Variants in NEGR1 observed in about 807,000 individuals in gnomAD.
NEGR1 encodes the protein IgLON family member 4.
In NEGR1, 10 loss-of-function variants were observed where a neutral mutation model predicts 40.9. That is an observed-to-expected ratio of 0.24 (90% CI 0.15 to 0.42). NEGR1 has a LOEUF of 0.42. Among genes scored for constraint, NEGR1 ranks in the 10% least tolerant of loss-of-function variants. NEGR1 has a pLI of 1.00. For synonymous variants in NEGR1, 185 were observed against 166.8 expected (o/e 1.11, Z -0.84); for missense variants, 352 against 438.9 (o/e 0.80, Z 1.77).
At chr1:71,773,599 T>C (rs1656403607) in intron 3 of NEGR1, among the ~76,000 whole-genome samples, 1 of 152,194 alleles carries the variant, frequency 6.6e-6, no homozygotes, top group African/African-American at 2.4e-5. Context: ...TGGGGTTTTC[T>C]TTTTCCTTTA....
At chr1:71,500,864 C>G (rs1265660030) in intron 6 of NEGR1, among the ~76,000 whole-genome samples, 1 of 151,722 alleles carries the variant, frequency 6.6e-6, no homozygotes, top group Non-Finnish European at 1.5e-5. Context: ...AGTTGTTATA[C>G]TATATGTTTT....
intron 2 of NEGR1, chr1:71,798,225 C>T (rs576914534): frequency 2.6e-5 from 4 of 151,850 alleles, no homozygotes; most frequent in South Asian, 4.2e-4. Flanking sequence ...ATATCAGACT[C>T]GGTGGAGCAG....
chr1:72,076,082 C>T (rs1647719044), intron 1 of NEGR1, among the ~76,000 whole-genome samples: 1 of 152,104 alleles, frequency 6.6e-6, no homozygotes, highest in African/African-American at 2.4e-5. Context: ...TTAATATACT[C>T]TTATAAGCCT....
rs940110879 is a variant in NEGR1 at position 71,396,388 on chromosome 1, A to G, written c.*11058T>C. On this transcript the variant is annotated 3_prime_UTR_variant, in exon 7 of 7. Coordinates refer to ENST00000357731, the MANE Select transcript of NEGR1 (RefSeq NM_173808.3). Reference sequence around the variant, plus strand: ...AGTGGATGGATTAATGAATGAATGAATGCCACATGAACATTTCAGGTTATC... The same window carrying G: ...AGTGGATGGATTAATGAATGAATGAGTGCCACATGAACATTTCAGGTTATC... 2 of 152,260 alleles carry G rather than the reference A, an allele frequency of 1.3e-5. No homozygotes were observed. Among genetic ancestry groups the G allele is most frequent in the African/African-American group, 4.8e-5 (2 of 41,468 alleles). 9.4% of individuals were successfully genotyped at this position (152,260 alleles called of 1,614,324 possible).
At chr1:72,216,840 T>C (rs1653838960) in intron 1 of NEGR1, among the ~76,000 whole-genome samples, 1 of 151,724 alleles carries the variant, frequency 6.6e-6, no homozygotes, top group Admixed American at 6.6e-5. Flanking sequence ...GATTATAGAA[T>C]CTATCATATA....
chr1:71,703,867 C>T (rs1274623505), intron 3 of NEGR1, among the ~76,000 whole-genome samples: 4 of 150,600 alleles, frequency 2.7e-5, no homozygotes, highest in Admixed American at 6.6e-5. Context: ...ATAAAGGGGA[C>T]AGAAAAAATA....
intron 2 of NEGR1, among the ~76,000 whole-genome samples, chr1:71,863,995 T>G (rs1557681208): frequency 6.6e-6 from 1 of 152,190 alleles, no homozygotes; most frequent in African/African-American, 2.4e-5. Flanking sequence ...CTCACCAAAG[T>G]AAGCAAATTG....
At chr1:71,553,450 T>C (rs766007618) in intron 6 of NEGR1, among the ~76,000 whole-genome samples, 5 of 151,558 alleles carry the variant, frequency 3.3e-5, no homozygotes, top group Admixed American at 6.6e-5. Flanking sequence ...GGCTTACATG[T>C]TAATGTATTT....
rs1039286620 is a variant in NEGR1, at chr1:72,281,175, G to A, written c.176+1144C>T. Among the ~76,000 whole-genome samples the A allele has an allele frequency of 2.6e-5, 4 of 152,266 alleles. No homozygotes were observed. In the South Asian group the frequency reaches 8.3e-4, roughly 32 times the overall value. ...GAAAATGAGAAAAATAAGTAAAAGT[G>A]AAGACTGATGGAGGGAGGAAGGTAG... On this transcript the variant is annotated intron_variant, in intron 1 of 6. Transcript: ENST00000357731.
chr1:71,652,402 C>G (rs1326832988), intron 4 of NEGR1, among the ~76,000 whole-genome samples: 1 of 152,014 alleles, frequency 6.6e-6, no homozygotes, highest in Non-Finnish European at 1.5e-5. Flanking sequence ...AACCAGAAGT[C>G]AGCAACATGG....
At chr1:72,150,286 T>C (rs552096878) in intron 1 of NEGR1, among the ~76,000 whole-genome samples, 4 of 152,288 alleles carry the variant, frequency 2.6e-5, no homozygotes, top group African/African-American at 9.6e-5. Context: ...ACTTGGAAAG[T>C]AGAGTCATTT....
chr1:72,073,824 A>C (rs1647586153), intron 1 of NEGR1, among the ~76,000 whole-genome samples: 1 of 152,054 alleles, frequency 6.6e-6, no homozygotes. Context: ...AAAAACAAGA[A>C]GAGACATAAG....
chr1:72,127,214 C>T (rs774025061), intron 1 of NEGR1, among the ~76,000 whole-genome samples: 2 of 151,980 alleles, frequency 1.3e-5, no homozygotes, highest in Admixed American at 6.6e-5. Context: ...CCCGTAATCC[C>T]GGTACTTTGG....
At chr1:72,032,549 C>G (rs979860026) in intron 1 of NEGR1, among the ~76,000 whole-genome samples, 2 of 151,996 alleles carry the variant, frequency 1.3e-5, no homozygotes, top group African/African-American at 4.8e-5. Context: ...ATATCAGGAC[C>G]CAAGTTAATA....
At chr1:71,756,268 T>A (rs1655728437) in intron 3 of NEGR1, among the ~76,000 whole-genome samples, 1 of 152,100 alleles carries the variant, frequency 6.6e-6, no homozygotes, top group Admixed American at 6.5e-5. Flanking sequence ...AAGGGTAACA[T>A]TCCTTATTGC....
At chr1:71,772,748 G>T (rs1418899233) in intron 3 of NEGR1, among the ~76,000 whole-genome samples, 1 of 151,752 alleles carries the variant, frequency 6.6e-6, no homozygotes, top group Admixed American at 6.6e-5. Flanking sequence ...GATAACAAAG[G>T]CCAAGATGTA....
chr1:72,069,705 G>A (rs1368265218), intron 1 of NEGR1, among the ~76,000 whole-genome samples: 5 of 152,068 alleles, frequency 3.3e-5, no homozygotes, highest in Non-Finnish European at 5.9e-5. Context: ...ATCCAATTAA[G>A]ATGAATTCAT....
chr1:72,145,783 C>G (rs1024404082), intron 1 of NEGR1, among the ~76,000 whole-genome samples: 1 of 152,114 alleles, frequency 6.6e-6, no homozygotes, highest in Non-Finnish European at 1.5e-5. Flanking sequence ...TCAGAATTAT[C>G]ATAAAGCAAT....
chr1:71,672,835 G>A (rs1314934933), intron 4 of NEGR1, among the ~76,000 whole-genome samples: 1 of 152,156 alleles, frequency 6.6e-6, no homozygotes, highest in Non-Finnish European at 1.5e-5. Flanking sequence ...GAGCTAGGAT[G>A]AGAGTATGTT....
Sources: allele counts gnomAD v4.1 joint callset (sites outside exome capture counted in the v4.1 genomes callset), GRCh38; gene constraint gnomAD v4.1.1; transcripts MANE v1.5; gene names NCBI Gene and HGNC (gene_info 2026-07-23, HGNC 2026-07-21).